Variants in ADAMTSL3 observed in about 807,000 individuals in gnomAD.
ADAMTSL3 encodes the protein ADAMTS-like protein 3.
A neutral mutation model predicts 201.7 loss-of-function variants in ADAMTSL3; 128 were observed. That is an observed-to-expected ratio of 0.63 (90% CI 0.55 to 0.73). The LOEUF is 0.73. ADAMTSL3 is among the 30% of genes least tolerant of loss of function. The pLI is 0.00. For synonymous variants in ADAMTSL3, 738 were observed against 748.4 expected, an observed-to-expected ratio of 0.99 and a Z score of 0.23; for missense variants, 1,990 against 2,119.6, an observed-to-expected ratio of 0.94 and a Z score of 1.20.
intron 2 of ADAMTSL3, among the ~76,000 whole-genome samples, chr15:83,691,889 C>A (rs1205771902): frequency 6.6e-6 from 1 of 152,178 alleles, no homozygotes; most frequent in Non-Finnish European, 1.5e-5. Flanking sequence ...GCTGGGATTA[C>A]AGGTGTGAAC....
At chr15:83,671,309 C>T (rs557460393) in intron 2 of ADAMTSL3, among the ~76,000 whole-genome samples, 15 of 152,160 alleles carry the variant, frequency 9.9e-5, no homozygotes, top group African/African-American at 3.1e-4. Context: ...TGGGGGCAGC[C>T]CTTCTTTGAC....
At chr15:84,000,779 C>T (rs530120604) in intron 23 of ADAMTSL3, among the ~76,000 whole-genome samples, 1 of 152,180 alleles carries the variant, frequency 6.6e-6, no homozygotes, top group East Asian at 1.9e-4. Context: ...TGCAAAAGCA[C>T]GGAAACATGA....
chr15:84,028,499 C>T (rs906847034), intron 27 of ADAMTSL3, among the ~76,000 whole-genome samples: 2 of 152,094 alleles, frequency 1.3e-5, no homozygotes, highest in Non-Finnish European at 2.9e-5. Flanking sequence ...ATTTTAAGAA[C>T]TGAATGTCAA....
At chr15:83,838,037 C>T (rs2141977421) in intron 6 of ADAMTSL3, 52 bp from the exon 7 acceptor site, 3 of 1,573,998 alleles carry the variant, frequency 1.9e-6, no homozygotes, top group South Asian at 2.4e-5. Flanking sequence ...ATGAAGAGAG[C>T]TCCCCCTCCC....
intron 20 of ADAMTSL3, among the ~76,000 whole-genome samples, chr15:83,971,577 AGAAAG>A (rs2067197661): frequency 5.0e-5 from 7 of 138,752 alleles, no homozygotes; most frequent in Non-Finnish European, 1.1e-4. Context: ...AAAAAAAAAA[AGAAAG>A]AAAGAAAAAA....
At chr15:83,999,155 C>G (rs2067743249) in intron 23 of ADAMTSL3, among the ~76,000 whole-genome samples, 1 of 152,174 alleles carries the variant, frequency 6.6e-6, no homozygotes, top group South Asian at 2.1e-4. Context: ...AACCCTTTCT[C>G]TAAGTCATGG....
chr15:83,736,054 G>A lies in ADAMTSL3; in HGVS notation c.189+31546G>A, dbSNP rs190955063. On this transcript the variant is annotated intron_variant, in intron 3 of 29. Transcript: ENST00000286744. ...CTCAATATTGCCAAGATACCAATTAGCAACATAAGTACAAATTTTCCTCAG... is the reference window on the plus strand; with the variant it reads ...CTCAATATTGCCAAGATACCAATTAACAACATAAGTACAAATTTTCCTCAG... 1.3e-3 allele frequency among the ~76,000 whole-genome samples: 201 copies of A among 152,208 alleles called. 1 individual carries two copies. Among genetic ancestry groups the A allele is most frequent in the African/African-American group, 4.8e-3 (198 of 41,556 alleles).
chr15:83,892,205 G>C (rs1344428795), intron 12 of ADAMTSL3, among the ~76,000 whole-genome samples: 1 of 148,478 alleles, frequency 6.7e-6, no homozygotes, highest in African/African-American at 2.5e-5. Flanking sequence ...GACAGAAAGA[G>C]ACTCCATCTT....
intron 2 of ADAMTSL3, among the ~76,000 whole-genome samples, chr15:83,661,926 T>G (rs1224286594): frequency 6.1e-5 from 9 of 146,638 alleles, no homozygotes; most frequent in African/African-American, 1.0e-4. Context: ...GGAAACAACA[T>G]GTGCTGGAGA....
intron 7 of ADAMTSL3, among the ~76,000 whole-genome samples, chr15:83,846,710 G>GT (rs1219550177): frequency 6.6e-6 from 1 of 152,188 alleles, no homozygotes; most frequent in African/African-American, 2.4e-5. Context: ...AACTTCCCAG[G>GT]TGGCCACTGG....
chr15:84,000,001 A>G (rs910761824), intron 23 of ADAMTSL3, among the ~76,000 whole-genome samples: 4 of 152,004 alleles, frequency 2.6e-5, no homozygotes, highest in African/African-American at 9.7e-5. Flanking sequence ...TATATTATAT[A>G]GGGTGGAATT....
chr15:83,738,835 G>T (rs1165963964), intron 3 of ADAMTSL3, among the ~76,000 whole-genome samples: 1 of 152,014 alleles, frequency 6.6e-6, no homozygotes, highest in African/African-American at 2.4e-5. Context: ...GGTGGAGGTT[G>T]CATTGAGCCG....
At chr15:83,824,757 T>C (rs1203514907) in intron 6 of ADAMTSL3, 1 of 152,192 alleles carries the variant, frequency 6.6e-6, no homozygotes, top group Non-Finnish European at 1.5e-5. Flanking sequence ...TCGGATTGGA[T>C]TCTTTCATGT....
chr15:83,730,742 G>A (rs2062252854), intron 3 of ADAMTSL3, among the ~76,000 whole-genome samples: 1 of 151,726 alleles, frequency 6.6e-6, no homozygotes, highest in South Asian at 2.1e-4. Flanking sequence ...TCATTCTGTT[G>A]ATTGTTTTCT....
chr15:83,745,641 C>A (rs1281220990), intron 3 of ADAMTSL3, among the ~76,000 whole-genome samples: 1 of 152,100 alleles, frequency 6.6e-6, no homozygotes, highest in Non-Finnish European at 1.5e-5. Flanking sequence ...TGCAGTCCAC[C>A]CCTGCCAGCA....
At chr15:83,858,704 G>T in intron 7 of ADAMTSL3, 62 bp from the exon 8 acceptor site, 4 of 1,326,078 alleles carry the variant, frequency 3.0e-6, no homozygotes, top group Middle Eastern at 3.7e-4. Flanking sequence ...TGATTGACTT[G>T]CTCATTTTCA....
At chr15:83,936,693 A>T (rs560584641) in intron 17 of ADAMTSL3, among the ~76,000 whole-genome samples, 1 of 151,212 alleles carries the variant, frequency 6.6e-6, no homozygotes, top group African/African-American at 2.5e-5. Flanking sequence ...GAGCTTCTGC[A>T]CAGCAAAAGA....
chr15:83,739,596 A>C (rs1245139795), intron 3 of ADAMTSL3, among the ~76,000 whole-genome samples: 1 of 146,520 alleles, frequency 6.8e-6, no homozygotes. Flanking sequence ...TTCAAAATCC[A>C]AAAAAAAATC....
intron 15 of ADAMTSL3, among the ~76,000 whole-genome samples, chr15:83,912,571 C>T (rs939267110): frequency 2.6e-5 from 4 of 152,154 alleles, no homozygotes; most frequent in African/African-American, 9.7e-5. Flanking sequence ...GCTTCGTGCA[C>T]TTGTGTATTA....
Sources: allele counts gnomAD v4.1 joint callset (sites outside exome capture counted in the v4.1 genomes callset), GRCh38; gene constraint gnomAD v4.1.1; transcripts MANE v1.5; gene names NCBI Gene and HGNC (gene_info 2026-07-23, HGNC 2026-07-21).